Variants in ZNF559 observed in about 807,000 individuals in gnomAD.
ZNF559 encodes putative protein product of Nbla00121.
ZNF559 carries 17 observed loss-of-function variants against 14.2 expected under a neutral mutation model. That is an observed-to-expected ratio of 1.20 (90% CI 0.82 to 1.80). The LOEUF (loss-of-function observed/expected upper bound fraction) is 1.80. ZNF559 is among the 40% of genes most tolerant of loss of function. ZNF559 has a pLI of 0.00. For synonymous variants in ZNF559, 244 were observed against 212.4 expected (o/e 1.15, Z -1.29); for missense variants, 740 against 629.7 (o/e 1.18, Z -1.88).
intron 5 of ZNF559, among the ~76,000 whole-genome samples, chr19:9,340,572 A>T (rs1467042594): frequency 1.1e-5 from 1 of 89,180 alleles, no homozygotes; most frequent in African/African-American, 4.5e-5. Context: ...GTCTCTAAAA[A>T]AAAAAAAAAA....
At chr19:9,332,757 TTCTC>T (rs1170948525) in intron 2 of ZNF559, among the ~76,000 whole-genome samples, 1 of 152,208 alleles carries the variant, frequency 6.6e-6, no homozygotes, top group South Asian at 2.1e-4. Context: ...GGCAGATTCT[TTCTC>T]TCATCACTCA....
In ZNF559 at chr19:9,341,715, G is replaced by T. The variant is rs762796674; in HGVS notation, c.264G>T (p.Glu88Asp). ...VVEMERNHFG[E>D]ELFDFNQCEK... ...AACAGGAGAGAAACCATTTTGGAGAGGAACTGTTTGACTTTAACCAATGTG... is the reference window on the plus strand; with the variant it reads ...AACAGGAGAGAAACCATTTTGGAGATGAACTGTTTGACTTTAACCAATGTG... The change falls in exon 7 of 7, where the codon GAG becomes GAT. Residue 88 changes from glutamate to aspartate, a missense_variant. Transcript: ENST00000603380. 4 of 1,597,084 alleles carry T rather than the reference G, an allele frequency of 2.5e-6. No homozygotes were observed. The South Asian group carries it at 4.5e-5, about 18-fold the overall frequency.
chr19:9,342,182 A>G lies in ZNF559; in HGVS notation c.731A>G (p.Lys244Arg), dbSNP rs539377160. 9 of 1,608,594 alleles carry G rather than the reference A, an allele frequency of 5.6e-6. No homozygotes were observed. In the East Asian group the frequency reaches 1.8e-4, roughly 32 times the overall value. ...GATGGAGAAAAATTCTATGAATGTA[A>G]AGCATGTGGGAAACCCTTCACTGAG... is the stretch of plus-strand genomic sequence containing the variant. ...TQDGEKFYEC[K>R]ACGKPFTESS... Residue 244 changes from lysine to arginine, a missense_variant, in exon 7 of 7, where the codon AAA (lysine) becomes AGA (arginine). Coordinates refer to ENST00000603380, the MANE Select transcript of ZNF559 (RefSeq NM_032497.3).
At position 9,339,294 on chromosome 19, in the gene ZNF559, G is replaced by T; in HGVS notation, c.135G>T (p.Glu45Asp). 11 of 1,613,530 alleles carry T rather than the reference G, an allele frequency of 6.8e-6. No homozygotes were observed. Among genetic ancestry groups the T allele is most frequent in the Non-Finnish European group, 9.3e-6 (11 of 1,179,718 alleles). The change falls in exon 5 of 7, where the codon GAG becomes GAT. Residue 45 changes from glutamate to aspartate, a missense_variant. Glu to Asp is a conservative substitution (Grantham distance 45). Transcript: ENST00000603380. Reference protein sequence around the residue: ...QRNLYRDVMLENYKNLVAVDW... With the variant: ...QRNLYRDVMLDNYKNLVAVDW... The stretch of plus-strand genomic sequence containing the variant: ...ACTTATACAGAGATGTGATGCTGGA[G>T]AACTATAAGAATCTAGTTGCAGTAG...
chr19:9,338,369 C>A, intron 3 of ZNF559, 125 bp from the exon 4 acceptor site: 1 of 682,942 alleles, frequency 1.5e-6, no homozygotes, highest in South Asian at 2.0e-5. Flanking sequence ...GTGAGACAGG[C>A]TGCTCAGGCA....
At chr19:9,330,285 T>C (rs1270985631) in intron 2 of ZNF559, 1 of 152,230 alleles carries the variant, frequency 6.6e-6, no homozygotes, top group Admixed American at 6.5e-5. Flanking sequence ...TTCACTATAA[T>C]GTGTATTAGT....
rs1197666130 is a variant in ZNF559, at chr19:9,343,345, T to G, written c.*277T>G. On this transcript the variant is annotated 3_prime_UTR_variant, in exon 7 of 7. Coordinates refer to ENST00000603380, the MANE Select transcript of ZNF559 (RefSeq NM_032497.3). ...AAACCTGTCGATGCTTACATCTTAC[T>G]GAGTCTGTTTGAACTCATGCTGGAG... 1.7e-6 allele frequency: 2 copies of G among 1,195,994 alleles called. No homozygotes were observed. The highest frequency in any genetic ancestry group is 2.1e-6 in the Non-Finnish European group (2 of 959,300). The allele number at this position is 1,195,994 out of a possible 1,614,324, so 74.1% of individuals were successfully genotyped here.
At chr19:9,324,417 G>A in intron 1 of ZNF559, 189 bp downstream of exon 1, 1 of 1,445,308 alleles carries the variant, frequency 6.9e-7, no homozygotes, top group South Asian at 1.5e-5. Context: ...CTGTCCTCAG[G>A]GGTCGAGGCG....
rs377331677 is a variant in ZNF559 at position 9,341,105 on chromosome 19, G to A, written c.164G>A (p.Trp55Ter). 5.0e-6 allele frequency: 8 copies of A among 1,597,266 alleles called. No homozygotes were observed. The African/African-American group carries it at 1.1e-4, about 22-fold the overall frequency. The change falls in exon 6 of 7, where the codon TGG becomes TAG. Residue 55 changes from tryptophan (W) to a stop codon, truncating the protein, a stop_gained. Transcript: ENST00000603380. LOFTEE classifies it high-confidence loss of function. Reference sequence around the variant, plus strand: ...AATTTTTTTCATCTTATTTCAGATTGGGAGAGTCATATTAATACCAAATGG... The same window carrying A: ...AATTTTTTTCATCTTATTTCAGATTAGGAGAGTCATATTAATACCAAATGG... ...ENYKNLVAVD[W>*]ESHINTKWSA... is the part of the protein sequence containing the mutation.
In ZNF559 at chr19:9,342,953, C is replaced by T. The variant is rs374263729; in HGVS notation, c.1502C>T (p.Ala501Val). 4 of 1,614,078 alleles carry T rather than the reference C, an allele frequency of 2.5e-6. No individual in the cohort carries two copies. Among genetic ancestry groups the T allele is most frequent in the Non-Finnish European group, 3.4e-6 (4 of 1,180,048 alleles). Residue 501 changes from alanine to valine, a missense_variant, in exon 7 of 7, where the codon GCC (alanine) becomes GTC (valine). Coordinates refer to ENST00000603380, the MANE Select transcript of ZNF559 (RefSeq NM_032497.3). ...TTTGAATGTCAGGAATGTGGGAAAG[C>T]CTTTACTCGGTCCACATATCTTATT... ...RPFECQECGK[A>V]FTRSTYLIRH... is the part of the protein sequence containing the mutation.
chr19:9,335,084 C>G (rs918265301), intron 2 of ZNF559, among the ~76,000 whole-genome samples: 1 of 149,810 alleles, frequency 6.7e-6, no homozygotes, highest in Admixed American at 6.7e-5. Flanking sequence ...TGCAGTGAGC[C>G]GAGATCATGC....
In ZNF559 at chr19:9,324,714, C is replaced by A. The variant is rs1289444963; in HGVS notation, c.-186C>A. 9.1e-6 allele frequency: 14 copies of A among 1,535,026 alleles called. No homozygotes were observed. Among genetic ancestry groups the A allele is most frequent in the Non-Finnish European group, 1.1e-5 (13 of 1,146,636 alleles). On this transcript the variant is annotated 5_prime_UTR_variant, in exon 2 of 7. In the 5' UTR this introduces an upstream ATG that the reference lacks. Coordinates refer to ENST00000603380, the MANE Select transcript of ZNF559 (RefSeq NM_032497.3). ...TATAAGGAACAGCATCTCTGCCTTCCTGTTCACGGTGACCTTCGCTTGGTG... is the reference window on the plus strand; with the variant it reads ...TATAAGGAACAGCATCTCTGCCTTCATGTTCACGGTGACCTTCGCTTGGTG...
chr19:9,336,102 A>G (rs967923705), intron 2 of ZNF559, among the ~76,000 whole-genome samples: 1 of 152,106 alleles, frequency 6.6e-6, no homozygotes, highest in Non-Finnish European at 1.5e-5. Context: ...TAAAAAGTTG[A>G]GTGTCAACTT....
rs550465770 is a variant in ZNF559, at chr19:9,335,651, C to T, written c.-119-2145C>T. On this transcript the variant is annotated intron_variant, in intron 2 of 6. Coordinates refer to ENST00000603380, the MANE Select transcript of ZNF559 (RefSeq NM_032497.3). Reference sequence around the variant, plus strand: ...CAACCTTTGCCTCCCAGGCTCAAGCCACCTTCCCACGTAGCTGGCACTACA... The same window carrying T: ...CAACCTTTGCCTCCCAGGCTCAAGCTACCTTCCCACGTAGCTGGCACTACA... Among the ~76,000 whole-genome samples, 512 of 152,278 alleles carry T rather than the reference C, an allele frequency of 3.4e-3. 4 individuals carry two copies. In the Middle Eastern group the frequency reaches 0.041, roughly 12 times the overall value.
intron 2 of ZNF559, among the ~76,000 whole-genome samples, chr19:9,325,172 A>G (rs1255736234): frequency 6.6e-6 from 1 of 152,128 alleles, no homozygotes; most frequent in Non-Finnish European, 1.5e-5. Context: ...GGGCGGGGCA[A>G]GGTGGCTCAC....
Position 9,342,914 on chromosome 19 carries a change from C to A in ZNF559, c.1463C>A (p.Thr488Asn), listed in dbSNP as rs1345800024. ...CTTACAGTACACATGAGAACTCACA[C>A]TGGTGAACGGCCCTTTGAATGTCAG... is the stretch of plus-strand genomic sequence containing the variant. ...SGLTVHMRTH[T>N]GERPFECQEC... Residue 488 changes from threonine (T) to asparagine (N), a missense_variant, in exon 7 of 7, where the codon ACT (threonine) becomes AAT (asparagine). By Grantham distance (65) the Thr-to-Asn change is moderately conservative (BLOSUM62 0). Coordinates refer to ENST00000603380, the MANE Select transcript of ZNF559 (RefSeq NM_032497.3). 6.2e-7 allele frequency: 1 copy of A among 1,614,036 alleles called. No homozygotes were observed. Among genetic ancestry groups the A allele is most frequent in the Non-Finnish European group, 8.5e-7 (1 of 1,180,036 alleles).
In ZNF559 at chr19:9,342,141, A is replaced by G. The variant is rs887128902; in HGVS notation, c.690A>G (p.Val230=). The change falls in exon 7 of 7, where the codon GTA becomes GTG. Residue 230 remains valine, a synonymous_variant. Transcript: ENST00000603380. ...TTTCTCATTCTACAGCCCTTTTTGTACACATGCAAACTCAAGATGGAGAAA... is the reference window on the plus strand; with the variant it reads ...TTTCTCATTCTACAGCCCTTTTTGTGCACATGCAAACTCAAGATGGAGAAA... ...ETFSHSTALF[V]HMQTQDGEKF... is the part of the protein sequence containing the mutation. 6.2e-7 allele frequency: 1 copy of G among 1,613,010 alleles called. No individual in the cohort carries two copies. Among genetic ancestry groups the G allele is most frequent in the African/African-American group, 1.3e-5 (1 of 74,830 alleles).
At chr19:9,324,809 G>GGAT in intron 2 of ZNF559, 29 bp downstream of exon 2, 1 of 1,524,884 alleles carries the variant, frequency 6.6e-7, no homozygotes, top group Non-Finnish European at 8.8e-7. Context: ...TGTTCTGGCT[G>GGAT]TGGGTGTCGG....
At position 9,324,727 on chromosome 19, in the gene ZNF559, C is replaced by G; in HGVS notation, c.-173C>G. The G allele has an allele frequency of 6.5e-7, 1 of 1,535,854 alleles. No homozygotes were observed. The highest frequency in any genetic ancestry group is 8.7e-7 in the Non-Finnish European group (1 of 1,146,860). Reference sequence around the variant, plus strand: ...ATCTCTGCCTTCCTGTTCACGGTGACCTTCGCTTGGTGTCCTCCTGGCCTC... The same window carrying G: ...ATCTCTGCCTTCCTGTTCACGGTGAGCTTCGCTTGGTGTCCTCCTGGCCTC... On this transcript the variant is annotated 5_prime_UTR_variant, in exon 2 of 7. Coordinates refer to ENST00000603380, the MANE Select transcript of ZNF559 (RefSeq NM_032497.3).
Sources: gnomAD v4.1 joint callset for allele counts (sites outside exome capture counted in the v4.1 genomes callset) on GRCh38, gnomAD v4.1.1 for gene constraint, MANE v1.5 for transcripts, NCBI Gene and HGNC (gene_info 2026-07-23, HGNC 2026-07-21) for gene names.